The following PRKCH variants were observed in gnomAD, a reference collection of about 807,000 sequenced individuals.
The protein encoded by PRKCH is protein kinase C eta.
A neutral mutation model predicts 82.5 loss-of-function variants in PRKCH; 28 were observed. That is an observed-to-expected ratio of 0.34 (90% CI 0.25 to 0.47). The LOEUF (loss-of-function observed/expected upper bound fraction) is 0.47, where lower values mean the gene tolerates loss of function less well. Ranked by LOEUF, PRKCH falls within the 20% of genes least tolerant of loss-of-function variation. The pLI, the probability that PRKCH is intolerant of heterozygous loss-of-function variation, is 1.00. For missense variants in PRKCH, 705 were observed against 881.8 expected, an observed-to-expected ratio of 0.80 and a Z score of 2.54; for synonymous variants, 322 against 327.4, an observed-to-expected ratio of 0.98 and a Z score of 0.18.
intron 10 of PRKCH, among the ~76,000 whole-genome samples, chr14:61,493,474 T>A (rs1476204780): frequency 6.6e-6 from 1 of 152,202 alleles, no homozygotes; most frequent in Non-Finnish European, 1.5e-5. Flanking sequence ...GGCCAGAACT[T>A]GATCATATGG....
intron 1 of PRKCH, among the ~76,000 whole-genome samples, chr14:61,328,760 A>G (rs576508299): frequency 6.6e-6 from 1 of 152,074 alleles, no homozygotes; most frequent in Admixed American, 6.5e-5. Flanking sequence ...GGCCAAGGCA[A>G]TAGGATCCCT....
At chr14:61,531,018 C>G (rs1006515546) in intron 12 of PRKCH, among the ~76,000 whole-genome samples, 2 of 152,162 alleles carry the variant, frequency 1.3e-5, no homozygotes, top group Non-Finnish European at 2.9e-5. Flanking sequence ...GCGGTCGGGT[C>G]TTTCTCTTAG....
At chr14:61,465,572 C>G (rs1048435775) in intron 9 of PRKCH, among the ~76,000 whole-genome samples, 1 of 152,100 alleles carries the variant, frequency 6.6e-6, no homozygotes, top group Admixed American at 6.5e-5. Flanking sequence ...TATTCTGTCC[C>G]ATTGGTCTAT....
chr14:61,535,622 A>G (rs1200080739), intron 12 of PRKCH, among the ~76,000 whole-genome samples: 5 of 152,198 alleles, frequency 3.3e-5, no homozygotes, highest in East Asian at 1.9e-4. Context: ...CCCAAAGGAC[A>G]TCCTAGGTCA....
At chr14:61,243,548 G>A (rs572414928) in intron 1 of PRKCH, among the ~76,000 whole-genome samples, 7 of 152,230 alleles carry the variant, frequency 4.6e-5, no homozygotes, top group African/African-American at 1.7e-4. Flanking sequence ...TTGGGGAACG[G>A]AGGGTGTTCA....
At chr14:61,356,644 GA>G (rs1022433996) in intron 1 of PRKCH, among the ~76,000 whole-genome samples, 1 of 151,996 alleles carries the variant, frequency 6.6e-6, no homozygotes, top group African/African-American at 2.4e-5. Context: ...ATCTTGGGGG[GA>G]AAAAGAGTTT....
chr14:61,401,670 T>C (rs1316846511), intron 2 of PRKCH, among the ~76,000 whole-genome samples: 1 of 152,256 alleles, frequency 6.6e-6, no homozygotes, highest in African/African-American at 2.4e-5. Context: ...CACTTAAGAA[T>C]GTCTTTGATG....
intron 1 of PRKCH, chr14:61,306,448 A>G (rs1297497531): frequency 3.3e-5 from 5 of 152,226 alleles, no homozygotes; most frequent in Admixed American, 1.3e-4. Flanking sequence ...CAAGACTTCC[A>G]TACTTCCTTG....
chr14:61,447,708 A>C (rs896582677), intron 4 of PRKCH, among the ~76,000 whole-genome samples: 46 of 152,248 alleles, frequency 3.0e-4, no homozygotes, highest in African/African-American at 1.0e-3. Context: ...TCAAAGAAGA[A>C]GACTCAAGAG....
chr14:61,417,051 A>G (rs750003147), intron 2 of PRKCH, among the ~76,000 whole-genome samples: 11 of 152,246 alleles, frequency 7.2e-5, no homozygotes, highest in Non-Finnish European at 1.5e-4. Flanking sequence ...CTGATATGAT[A>G]TTTATAAGGG....
At chr14:61,243,854 T>C (rs2044860100) in intron 1 of PRKCH, among the ~76,000 whole-genome samples, 1 of 151,840 alleles carries the variant, frequency 6.6e-6, no homozygotes, top group Admixed American at 6.6e-5. Context: ...CTCATGCCTA[T>C]AATCCCAGCA....
chr14:61,229,799 G>A (rs906074073), intron 1 of PRKCH, among the ~76,000 whole-genome samples: 1 of 152,246 alleles, frequency 6.6e-6, no homozygotes, highest in South Asian at 2.1e-4. Flanking sequence ...CCTTCTTCCA[G>A]GGGGAGAACA....
chr14:61,218,037 C>T (rs2044627230), intron 1 of PRKCH, among the ~76,000 whole-genome samples: 1 of 152,132 alleles, frequency 6.6e-6, no homozygotes. Flanking sequence ...TGTGGAACTA[C>T]TCGGACCCGG....
At chr14:61,413,247 G>A (rs563896264) in intron 2 of PRKCH, among the ~76,000 whole-genome samples, 6 of 151,966 alleles carry the variant, frequency 3.9e-5, no homozygotes, top group South Asian at 2.1e-4. Context: ...TCGTGTGACC[G>A]TGATGCTGCA....
intron 9 of PRKCH, among the ~76,000 whole-genome samples, chr14:61,472,745 C>T (rs929797420): frequency 6.6e-5 from 10 of 152,102 alleles, no homozygotes; most frequent in African/African-American, 1.7e-4. Context: ...AAAGTAGAAC[C>T]TTAAATGCTA....
chr14:61,292,545 C>T (rs1379553194), intron 1 of PRKCH, among the ~76,000 whole-genome samples: 4 of 151,902 alleles, frequency 2.6e-5, no homozygotes, highest in Non-Finnish European at 5.9e-5. Flanking sequence ...GAGGCTGAGG[C>T]GGGTGGATCA....
At chr14:61,479,087 T>C (rs893988708) in intron 9 of PRKCH, among the ~76,000 whole-genome samples, 2 of 152,192 alleles carry the variant, frequency 1.3e-5, no homozygotes, top group African/African-American at 4.8e-5. Flanking sequence ...AGTTTTGCTC[T>C]TGGCTCACTC....
At chr14:61,487,379 CT>C (rs778293215) in intron 10 of PRKCH, among the ~76,000 whole-genome samples, 2 of 152,150 alleles carry the variant, frequency 1.3e-5, no homozygotes, top group Non-Finnish European at 2.9e-5. Context: ...TTGTTTTGAG[CT>C]TTCTTGACCA....
chr14:61,520,963 A>T (rs1162381059), intron 10 of PRKCH, among the ~76,000 whole-genome samples: 2 of 152,258 alleles, frequency 1.3e-5, no homozygotes, highest in East Asian at 3.8e-4. Context: ...GTTGCAAAAA[A>T]TTTAAAACAA....
Sources: gnomAD v4.1 joint callset for allele counts (sites outside exome capture counted in the v4.1 genomes callset) on GRCh38, gnomAD v4.1.1 for gene constraint, MANE v1.5 for transcripts, NCBI Gene and HGNC (gene_info 2026-07-23, HGNC 2026-07-21) for gene names.